PHLPP1: variants seen among roughly 807,000 people sequenced by gnomAD.
The protein encoded by PHLPP1 is PH domain and leucine rich repeat protein phosphatase 1, also known as PH domain leucine-rich repeat-containing protein phosphatase 1.
PHLPP1 carries 42 observed loss-of-function variants against 117.2 expected under a neutral mutation model. The observed-to-expected ratio is 0.36, with a 90% CI of 0.28 to 0.46. PHLPP1 has a LOEUF of 0.46. Among genes scored for constraint, PHLPP1 ranks in the 20% least tolerant of loss-of-function variants. The pLI is 1.00. For synonymous variants in PHLPP1, 1,042 were observed against 970.7 expected (o/e 1.07, Z -1.37); for missense variants, 2,084 against 2,241.9 (o/e 0.93, Z 1.42).
chr18:62,790,647 A>G (rs1241375283), intron 1 of PHLPP1, among the ~76,000 whole-genome samples: 1 of 152,206 alleles, frequency 6.6e-6, no homozygotes, highest in East Asian at 1.9e-4. Context: ...AAGTCACAGC[A>G]TTTAAGTGGA....
At chr18:62,801,457 A>T (rs569733521) in intron 1 of PHLPP1, among the ~76,000 whole-genome samples, 1 of 151,556 alleles carries the variant, frequency 6.6e-6, no homozygotes, top group African/African-American at 2.4e-5. Context: ...AGAAATTGTT[A>T]GTTAGTATAT....
chr18:62,779,881 G>C (rs150791752), intron 1 of PHLPP1, among the ~76,000 whole-genome samples: 1 of 152,284 alleles, frequency 6.6e-6, no homozygotes, highest in Non-Finnish European at 1.5e-5. Context: ...GCTGAGGCAG[G>C]CTGGTAGATT....
intron 12 of PHLPP1, among the ~76,000 whole-genome samples, chr18:62,952,362 T>C (rs753422234): frequency 6.6e-6 from 1 of 152,216 alleles, no homozygotes; most frequent in Non-Finnish European, 1.5e-5. Context: ...TTTTAGTGTT[T>C]GAGGAAATTC....
chr18:62,975,556 C>T lies in PHLPP1; in HGVS notation c.3915C>T (p.Ser1305=), dbSNP rs1283762579. The T allele has an allele frequency of 1.2e-6, 2 of 1,613,942 alleles. No individual in the cohort carries two copies. The highest frequency in any genetic ancestry group is 1.7e-6 in the Non-Finnish European group (2 of 1,179,838). Residue 1305 remains serine, a synonymous_variant, in exon 16 of 17, where the codon TCC becomes TCT. Coordinates refer to ENST00000262719, the MANE Select transcript of PHLPP1 (RefSeq NM_194449.4). ...GAAATGGAAAGCCGCTGCCTCTGTCCAGATCTTACATCATGAGCTGTGAAG... is the reference window on the plus strand; with the variant it reads ...GAAATGGAAAGCCGCTGCCTCTGTCTAGATCTTACATCATGAGCTGTGAAG... The part of the protein sequence containing the change: ...LCRNGKPLPL[S]RSYIMSCEEE...
chr18:62,825,573 A>G (rs1914589896), intron 1 of PHLPP1: 1 of 150,988 alleles, frequency 6.6e-6, no homozygotes, highest in Non-Finnish European at 1.5e-5. Flanking sequence ...CAGACTTCTC[A>G]CCTCAACTTC....
At chr18:62,806,360 T>C (rs1913951869) in intron 1 of PHLPP1, among the ~76,000 whole-genome samples, 1 of 152,198 alleles carries the variant, frequency 6.6e-6, no homozygotes, top group Admixed American at 6.5e-5. Flanking sequence ...GGAAACATTC[T>C]CTGTTATTTA....
intron 4 of PHLPP1, among the ~76,000 whole-genome samples, chr18:62,874,655 GCGCA>G (rs1304058326): frequency 1.5e-4 from 9 of 59,022 alleles, no homozygotes; most frequent in South Asian, 1.2e-3. Context: ...GCACGCACGC[GCGCA>G]CACACACACA....
intron 5 of PHLPP1, among the ~76,000 whole-genome samples, chr18:62,895,443 T>C (rs1916534509): frequency 6.6e-6 from 1 of 152,266 alleles, no homozygotes; most frequent in African/African-American, 2.4e-5. Flanking sequence ...CTGAGTTATA[T>C]TGAATTTTAA....
At chr18:62,811,196 G>A (rs1914104738) in intron 1 of PHLPP1, among the ~76,000 whole-genome samples, 1 of 152,154 alleles carries the variant, frequency 6.6e-6, no homozygotes, top group African/African-American at 2.4e-5. Flanking sequence ...GTTTAGAGCT[G>A]CTGGCTAGAA....
intron 1 of PHLPP1, among the ~76,000 whole-genome samples, chr18:62,787,857 A>C (rs1180722118): frequency 6.6e-6 from 1 of 152,150 alleles, no homozygotes; most frequent in Non-Finnish European, 1.5e-5. Context: ...GATTTCACCG[A>C]TGTGTTTTAC....
chr18:62,926,788 G>A (rs1316572168), intron 10 of PHLPP1, among the ~76,000 whole-genome samples: 5 of 152,176 alleles, frequency 3.3e-5, no homozygotes. Flanking sequence ...TGTGAGAAAT[G>A]TTGTTCCTTT....
chr18:62,715,639 C>A lies in PHLPP1; in HGVS notation c.-45C>A. On this transcript the variant is annotated 5_prime_UTR_variant, in exon 1 of 17. Transcript: ENST00000262719. ...CTCCGCCTCATCGCCTCCCTCTCCG[C>A]CCGCTGCCTCCGGAGCTGGGGGGGA... The A allele has an allele frequency of 8.0e-7, 1 of 1,242,740 alleles. No individual in the cohort carries two copies. The highest frequency in any genetic ancestry group is 1.0e-6 in the Non-Finnish European group (1 of 989,514). The allele number at this position is 1,242,740 out of a possible 1,614,324, so 77.0% of individuals were successfully genotyped here.
intron 3 of PHLPP1, among the ~76,000 whole-genome samples, chr18:62,856,459 G>T: frequency 6.6e-6 from 1 of 152,138 alleles, no homozygotes; most frequent in East Asian, 1.9e-4. Flanking sequence ...ACAGGGTCTG[G>T]CTGTATTGCC....
intron 4 of PHLPP1, among the ~76,000 whole-genome samples, chr18:62,882,276 T>TC (rs1916189812): frequency 6.6e-6 from 1 of 151,852 alleles, no homozygotes; most frequent in South Asian, 2.1e-4. Context: ...AACTATTTTT[T>TC]TTTTTTTTTT....
chr18:62,731,086 A>G (rs1911212188), intron 1 of PHLPP1: 1 of 152,166 alleles, frequency 6.6e-6, no homozygotes, highest in South Asian at 2.1e-4. Context: ...TTACAAATTG[A>G]AGGTTTGTGG....
In PHLPP1 at chr18:62,978,411, C is replaced by T. The variant is rs368103591; in HGVS notation, c.4134C>T (p.Asp1378=). Reference sequence around the variant, plus strand: ...TCCTAGGCAGTAAGGGGTTGTGGGACAGCCTGTCCGTCGAGGAGGCCGTGG... The same window carrying T: ...TCCTAGGCAGTAAGGGGTTGTGGGATAGCCTGTCCGTCGAGGAGGCCGTGG... ...FFILGSKGLW[D]SLSVEEAVEA... Residue 1378 remains aspartate (D), a synonymous_variant, in exon 17 of 17, where the codon GAC becomes GAT. Coordinates refer to ENST00000262719, the MANE Select transcript of PHLPP1 (RefSeq NM_194449.4). This position sits in a 1 kb window ranked among gnomAD's most constrained non-coding sequence, Gnocchi z 7.0. The T allele has an allele frequency of 6.2e-7, 1 of 1,612,338 alleles. No individual in the cohort carries two copies. The highest frequency in any genetic ancestry group is 1.3e-5 in the African/African-American group (1 of 74,890).
At chr18:62,844,134 G>A (rs1172824538) in intron 3 of PHLPP1, among the ~76,000 whole-genome samples, 2 of 152,070 alleles carry the variant, frequency 1.3e-5, no homozygotes, top group Non-Finnish European at 2.9e-5. Context: ...ATCACCTGAG[G>A]TTAGGAGTTC....
intron 1 of PHLPP1, among the ~76,000 whole-genome samples, chr18:62,795,063 C>A (rs1913584762): frequency 1.3e-5 from 2 of 152,014 alleles, no homozygotes; most frequent in African/African-American, 4.8e-5. Flanking sequence ...CAAGGGTTGG[C>A]AAATGTTTTC....
chr18:62,786,909 A>C (rs1913303511), intron 1 of PHLPP1, among the ~76,000 whole-genome samples: 1 of 152,234 alleles, frequency 6.6e-6, no homozygotes, highest in Non-Finnish European at 1.5e-5. Flanking sequence ...CAGTTAATTG[A>C]AAAAGCTGGC....
Sources: gnomAD v4.1 joint callset for allele counts (sites outside exome capture counted in the v4.1 genomes callset) on GRCh38, gnomAD v4.1.1 for gene constraint, Gnocchi (gnomAD v3.1) non-coding constraint, MANE v1.5 for transcripts, NCBI Gene and HGNC (gene_info 2026-07-23, HGNC 2026-07-21) for gene names.